The following ZMIZ1 variants were observed in gnomAD, a reference collection of about 807,000 sequenced individuals.
The protein encoded by ZMIZ1 is zinc finger MIZ-type containing 1.
Under a neutral mutation model 113.9 loss-of-function variants are expected in ZMIZ1, and 17 were observed. That is an observed-to-expected ratio of 0.15 (90% confidence interval 0.10 to 0.22). ZMIZ1 has a LOEUF of 0.22. ZMIZ1 is among the 10% of genes least tolerant of loss of function. ZMIZ1 has a pLI of 1.00. For synonymous variants in ZMIZ1, 607 were observed against 603.1 expected (o/e 1.01, Z -0.09); for missense variants, 1,059 against 1,477.8 (o/e 0.72, Z 4.65).
intron 3 of ZMIZ1, 92 bp downstream of exon 3, chr10:79,139,869 G>A (rs577770683): frequency 5.0e-6 from 2 of 398,582 alleles, no homozygotes; most frequent in Admixed American, 4.4e-5. Context: ...TGCTGTGGCT[G>A]GACCAGAGCT....
At chr10:79,100,004 A>G (rs546874861) in intron 1 of ZMIZ1, among the ~76,000 whole-genome samples, 33 of 152,140 alleles carry the variant, frequency 2.2e-4, no homozygotes, top group African/African-American at 7.2e-4. Context: ...CCTCATGCCC[A>G]CCTGACCTGG....
chr10:79,280,991 T>G (rs573127898), intron 8 of ZMIZ1, among the ~76,000 whole-genome samples: 3 of 152,330 alleles, frequency 2.0e-5, no homozygotes, highest in African/African-American at 2.4e-5. Context: ...CTCATCATCC[T>G]ATGTGTCATG....
At chr10:79,269,071 C>T (rs982432064) in intron 7 of ZMIZ1, among the ~76,000 whole-genome samples, 1 of 152,080 alleles carries the variant, frequency 6.6e-6, no homozygotes, top group Non-Finnish European at 1.5e-5. Flanking sequence ...GAACTTGCGA[C>T]ATGTCAGAGG....
chr10:79,158,391 C>G (rs1325195519), intron 3 of ZMIZ1, among the ~76,000 whole-genome samples: 7 of 152,306 alleles, frequency 4.6e-5, no homozygotes, highest in Admixed American at 2.6e-4. Flanking sequence ...TCGGCCCCTG[C>G]TTAGAGAGGA....
At position 79,214,218 on chromosome 10, in the gene ZMIZ1, G is replaced by A. The variant is rs115697560; in HGVS notation, c.175-1951G>A. On this transcript the variant is annotated intron_variant, in intron 6 of 24. Transcript: ENST00000334512. The stretch of plus-strand genomic sequence containing the variant: ...TGTGGACAGTGAGACTTATGGTGAG[G>A]ATGTCCCAGAGACTGGGACATGTAG... Among the ~76,000 whole-genome samples the A allele has an allele frequency of 7.6e-3, 1,152 of 152,332 alleles. 13 individuals carry two copies. Among genetic ancestry groups the A allele is most frequent in the African/African-American group, 0.026 (1,084 of 41,568 alleles).
chr10:79,174,728 G>A (rs184833669), intron 4 of ZMIZ1, among the ~76,000 whole-genome samples: 42 of 152,358 alleles, frequency 2.8e-4, no homozygotes, highest in African/African-American at 9.9e-4. Flanking sequence ...CTGAGTTTGG[G>A]GGAGGAGTGC....
chr10:79,159,160 C>T (rs1300094937), intron 3 of ZMIZ1, among the ~76,000 whole-genome samples: 4 of 152,184 alleles, frequency 2.6e-5, no homozygotes, highest in African/African-American at 9.7e-5. Context: ...CTCCGTGGCA[C>T]CAAGGCCTTT....
chr10:79,149,340 G>A (rs1845618029), intron 3 of ZMIZ1, among the ~76,000 whole-genome samples: 1 of 152,218 alleles, frequency 6.6e-6, no homozygotes, highest in South Asian at 2.1e-4. Context: ...CTCTGCCCTG[G>A]GAGAGCATGA....
At chr10:79,157,967 C>G (rs958326291) in intron 3 of ZMIZ1, among the ~76,000 whole-genome samples, 1 of 129,570 alleles carries the variant, frequency 7.7e-6, no homozygotes, top group African/African-American at 2.7e-5. Flanking sequence ...TAGAACAGCT[C>G]AGGCGCCTGA....
At chr10:79,176,451 C>T (rs1020976511) in intron 4 of ZMIZ1, among the ~76,000 whole-genome samples, 1 of 152,062 alleles carries the variant, frequency 6.6e-6, no homozygotes, top group East Asian at 1.9e-4. Context: ...GACAGTCCAA[C>T]CCAGTCACCC....
chr10:79,133,137 C>G (rs559109462), intron 2 of ZMIZ1, among the ~76,000 whole-genome samples: 4 of 152,204 alleles, frequency 2.6e-5, no homozygotes, highest in Admixed American at 6.5e-5. Flanking sequence ...GCACCCACCC[C>G]CTAGTACACT....
rs916144621 is a variant in ZMIZ1, at chr10:79,314,200, C to T, written c.*1451C>T. On this transcript the variant is annotated 3_prime_UTR_variant, in exon 25 of 25. Transcript: ENST00000334512. ...CTCCAGGGCCTCCTGGGGAGCCTGT[C>T]CTGTGTTCACTTTGTTTCAGGCTGG... 6.6e-6 allele frequency: 3 copies of T among 457,006 alleles called. No individual in the cohort carries two copies. The highest frequency in any genetic ancestry group is 8.8e-6 in the Non-Finnish European group (2 of 227,044). 28.3% of individuals were successfully genotyped at this position (457,006 alleles called of 1,614,324 possible). A position where few individuals can be genotyped will look rare whatever the true frequency, so the allele number is the denominator to read the frequency against.
At chr10:79,248,537 A>G (rs1850350376) in intron 7 of ZMIZ1, among the ~76,000 whole-genome samples, 1 of 152,144 alleles carries the variant, frequency 6.6e-6, no homozygotes, top group African/African-American at 2.4e-5. Context: ...CGGGCATAGA[A>G]GTTGGGAGTA....
intron 5 of ZMIZ1, among the ~76,000 whole-genome samples, chr10:79,205,308 G>A (rs1848271079): frequency 6.6e-6 from 1 of 152,168 alleles, no homozygotes; most frequent in Non-Finnish European, 1.5e-5. Context: ...CCCTGCCCTG[G>A]CCCCTCCCTC....
chr10:79,297,808 A>G (rs915677182), intron 14 of ZMIZ1, 118 bp downstream of exon 14: 5 of 826,570 alleles, frequency 6.0e-6, no homozygotes, highest in African/African-American at 3.4e-5. Context: ...GTGGGGGTGC[A>G]CTCCCTGGTC....
chr10:79,163,051 G>A (rs900608762), intron 4 of ZMIZ1, among the ~76,000 whole-genome samples: 13 of 149,602 alleles, frequency 8.7e-5, no homozygotes, highest in African/African-American at 3.1e-4. Flanking sequence ...TGTAATCCCT[G>A]TTTACTTGGC....
At chr10:79,266,049 C>A (rs546452610) in intron 7 of ZMIZ1, among the ~76,000 whole-genome samples, 22 of 152,380 alleles carry the variant, frequency 1.4e-4, no homozygotes, top group African/African-American at 5.0e-4. Context: ...AAGGTCAAGA[C>A]TGGCCTGCGC....
chr10:79,153,636 C>G (rs1303670685), intron 3 of ZMIZ1, among the ~76,000 whole-genome samples: 1 of 152,236 alleles, frequency 6.6e-6, no homozygotes, highest in African/African-American at 2.4e-5. Context: ...GCTCTGAAAG[C>G]CAGAGGTTGA....
intron 18 of ZMIZ1, among the ~76,000 whole-genome samples, chr10:79,302,615 A>T (rs1854381662): frequency 6.9e-6 from 1 of 145,214 alleles, no homozygotes; most frequent in Admixed American, 6.9e-5. Context: ...AGAAGAGGGG[A>T]TCTTCATCAG....
Sources: allele counts gnomAD v4.1 joint callset (sites outside exome capture counted in the v4.1 genomes callset), GRCh38; gene constraint gnomAD v4.1.1; transcripts MANE v1.5; gene names NCBI Gene and HGNC (gene_info 2026-07-23, HGNC 2026-07-21).